Variants in WDPCP observed in about 807,000 individuals in gnomAD.
WDPCP encodes the protein WD repeat containing planar cell polarity effector, also known as WD repeat-containing and planar cell polarity effector protein fritz homolog.
A neutral mutation model predicts 93.1 loss-of-function variants in WDPCP; 71 were observed. That is an observed-to-expected ratio of 0.76 (90% CI 0.63 to 0.93). The LOEUF is 0.93. Among genes scored for constraint, WDPCP ranks in the 40% least tolerant of loss-of-function variants. The probability of loss-of-function intolerance (pLI) is 0.00; values close to 1 mark genes in which losing one functional copy is unlikely to be tolerated. For synonymous variants in WDPCP, 315 were observed against 315.0 expected, an observed-to-expected ratio of 1.00 and a Z score of 0.00; for missense variants, 844 against 887.4, an observed-to-expected ratio of 0.95 and a Z score of 0.62.
At chr2:63,754,858 T>C (rs1271084211) in intron 2 of WDPCP, among the ~76,000 whole-genome samples, 2 of 152,222 alleles carry the variant, frequency 1.3e-5, no homozygotes, top group Non-Finnish European at 2.9e-5. Flanking sequence ...CTCATTGTTA[T>C]TTTGGGTCAG....
chr2:63,381,600 G>T (rs1262638777), intron 11 of WDPCP, among the ~76,000 whole-genome samples: 6 of 152,112 alleles, frequency 3.9e-5, no homozygotes, highest in Non-Finnish European at 5.9e-5. Flanking sequence ...TGAAATTTTT[G>T]ATCAAAGTTT....
At chr2:63,834,548 TG>T in the WDPCP span, among the ~76,000 whole-genome samples, 1 of 152,220 alleles carries the variant, frequency 6.6e-6, no homozygotes, top group African/African-American at 2.4e-5. Context: ...CTTTCAGGCC[TG>T]GGGCACGCAA....
intron 1 of WDPCP, among the ~76,000 whole-genome samples, chr2:63,504,849 A>G (rs1194849230): frequency 6.6e-6 from 1 of 152,120 alleles, no homozygotes; most frequent in Non-Finnish European, 1.5e-5. Context: ...GTATCTAAAT[A>G]TCAGATTAAA....
At chr2:63,162,076 G>A (rs1672684416) in intron 15 of WDPCP, among the ~76,000 whole-genome samples, 1 of 152,122 alleles carries the variant, frequency 6.6e-6, no homozygotes, top group Admixed American at 6.6e-5. Flanking sequence ...AGCCATCTGT[G>A]CGTAAATTCT....
chr2:63,125,874 G>C (rs186727542), intron 17 of WDPCP, among the ~76,000 whole-genome samples: 1 of 151,174 alleles, frequency 6.6e-6, no homozygotes, highest in South Asian at 2.1e-4. Context: ...GCCTCCCAAA[G>C]TGCTGGGATT....
chr2:63,218,476 T>C (rs1052608474), intron 14 of WDPCP, among the ~76,000 whole-genome samples: 4 of 152,124 alleles, frequency 2.6e-5, no homozygotes, highest in African/African-American at 9.7e-5. Context: ...ATTGGATGTT[T>C]CTCATAAAAT....
intron 17 of WDPCP, among the ~76,000 whole-genome samples, chr2:63,148,104 C>A (rs772240067): frequency 6.6e-6 from 1 of 151,742 alleles, no homozygotes; most frequent in South Asian, 2.1e-4. Context: ...GTTATTTTAA[C>A]ATTGGCTTGT....
At chr2:63,338,560 AAAAAAAAAAATATATATAT>A (rs1336697361) in intron 12 of WDPCP, among the ~76,000 whole-genome samples, 2 of 60,830 alleles carry the variant, frequency 3.3e-5, no homozygotes, top group South Asian at 6.4e-4. Context: ...CTAAAAAAAA[AAAAAAAAAAATATATATAT>A]ATATATATAT....
At chr2:63,767,724 T>C (rs1279574513) in intron 2 of WDPCP, among the ~76,000 whole-genome samples, 1 of 152,132 alleles carries the variant, frequency 6.6e-6, no homozygotes, top group Non-Finnish European at 1.5e-5. Flanking sequence ...GAATTCTTTA[T>C]GTATTCTAGA....
intron 13 of WDPCP, among the ~76,000 whole-genome samples, chr2:63,312,402 T>G (rs181502339): frequency 6.6e-6 from 1 of 152,310 alleles, no homozygotes; most frequent in Non-Finnish European, 1.5e-5. Context: ...ATTGTTTCTG[T>G]GACAACAATG....
rs569638099 is a variant in WDPCP, at chr2:63,826,824, A to C, written n.222+798T>G. 1.1e-4 allele frequency among the ~76,000 whole-genome samples: 17 copies of C among 152,202 alleles called. No individual in the cohort carries two copies. The East Asian group carries it at 3.1e-3, about 28-fold the overall frequency. On this transcript the variant is annotated intron_variant and non_coding_transcript_variant, in intron 1 of 4. Transcript: ENST00000467687. ...ATAAATCCGTACTAACAAATATATC[A>C]TTTTTCTAACTTTGAAGTTCTAATT...
chr2:63,628,460 C>T (rs1709832762), intron 3 of WDPCP, among the ~76,000 whole-genome samples: 4 of 151,974 alleles, frequency 2.6e-5, no homozygotes, highest in African/African-American at 7.2e-5. Flanking sequence ...AAACAGAAAC[C>T]ACAACAGAGC....
intron 14 of WDPCP, among the ~76,000 whole-genome samples, chr2:63,256,933 G>A (rs1256212086): frequency 6.6e-6 from 1 of 152,114 alleles, no homozygotes; most frequent in African/African-American, 2.4e-5. Flanking sequence ...ATCTTGAAGT[G>A]GGTATAGGAA....
At chr2:63,342,923 A>G (rs1428174776) in intron 12 of WDPCP, among the ~76,000 whole-genome samples, 1 of 152,162 alleles carries the variant, frequency 6.6e-6, no homozygotes. Flanking sequence ...TCTACTAGCA[A>G]AAACTCCCTC....
At chr2:63,828,165 CT>C (rs765669536), upstream of WDPCP, among the ~76,000 whole-genome samples, 576 of 144,836 alleles carry the variant, frequency 4.0e-3, 3 homozygotes, top group East Asian at 6.6e-3. Flanking sequence ...TGTGGATTTA[CT>C]TTTTTTTTTT....
chr2:63,758,117 C>A (rs1254886249), intron 2 of WDPCP, among the ~76,000 whole-genome samples: 1 of 149,912 alleles, frequency 6.7e-6, no homozygotes, highest in Non-Finnish European at 1.5e-5. Flanking sequence ...TTATAACCAA[C>A]CTAATAAATT....
intron 2 of WDPCP, among the ~76,000 whole-genome samples, chr2:63,736,175 T>C (rs1212590977): frequency 1.3e-5 from 2 of 152,344 alleles, no homozygotes; most frequent in South Asian, 4.1e-4. Context: ...GACCCTCATC[T>C]CATTAATGCA....
intron 2 of WDPCP, among the ~76,000 whole-genome samples, chr2:63,763,840 T>G (rs2103923180): frequency 6.6e-6 from 1 of 152,280 alleles, no homozygotes; most frequent in Admixed American, 6.5e-5. Flanking sequence ...TAAATCCAGC[T>G]GGCTTCAAAC....
At chr2:63,303,970 C>CAAAAAAAAA (rs34553510) in intron 13 of WDPCP, among the ~76,000 whole-genome samples, 1 of 131,338 alleles carries the variant, frequency 7.6e-6, no homozygotes. Flanking sequence ...AGTAAAAAGT[C>CAAAAAAAAA]AAAAAAAAAA....
Sources: gnomAD v4.1 joint callset for allele counts (sites outside exome capture counted in the v4.1 genomes callset) on GRCh38, gnomAD v4.1.1 for gene constraint, MANE v1.5 for transcripts, NCBI Gene and HGNC (gene_info 2026-07-23, HGNC 2026-07-21) for gene names.